The following SYTL3 variants were observed in gnomAD, a reference collection of about 807,000 sequenced individuals.
SYTL3 encodes synaptotagmin-like protein 3.
In SYTL3, 88 loss-of-function variants were observed where a neutral mutation model predicts 82.1. The observed-to-expected ratio is 1.07, with a 90% CI of 0.90 to 1.28. SYTL3 has a LOEUF of 1.28. Among genes scored for constraint, SYTL3 ranks in the 50% most tolerant of loss-of-function variants. The pLI is 0.00. For missense variants in SYTL3, 831 were observed against 757.6 expected (o/e 1.10, Z -1.14); for synonymous variants, 311 against 289.4 (o/e 1.07, Z -0.76).
In SYTL3 at chr6:158,691,471, ACAAGCT is replaced by A. The variant is rs1583249088; in HGVS notation, c.394+8483_394+8488del. Among the ~76,000 whole-genome samples, 11 of 152,300 alleles carry A rather than the reference ACAAGCT, an allele frequency of 7.2e-5. No homozygotes were observed. In the East Asian group the frequency reaches 2.1e-3, roughly 29 times the overall value. On this transcript the variant is annotated intron_variant, in intron 6 of 17. Transcript: ENST00000611299. ...TTTTTAGATCACTAATAACTAGAAAACAAGCTGAAAATTCATCTCTCCTCTTTTGGC... is the reference window on the plus strand; with the variant it reads ...TTTTTAGATCACTAATAACTAGAAAAGAAAATTCATCTCTCCTCTTTTGGC...
In SYTL3 at chr6:158,755,193, A is replaced by G. The variant is rs908795994; in HGVS notation, c.1138-2018A>G. Among the ~76,000 whole-genome samples, 63 of 152,156 alleles carry G rather than the reference A, an allele frequency of 4.1e-4. 1 individual carries two copies. Among genetic ancestry groups the G allele is most frequent in the Non-Finnish European group, 1.5e-5 (1 of 68,032 alleles). On this transcript the variant is annotated intron_variant, in intron 13 of 17. Transcript: ENST00000611299. Reference sequence around the variant, plus strand: ...CCCCATCTCTACAAGAAATTAAAAGATTAGCCGGGCATGGCGACGCCTACC... The same window carrying G: ...CCCCATCTCTACAAGAAATTAAAAGGTTAGCCGGGCATGGCGACGCCTACC...
chr6:158,660,470 T>G (rs976721683), intron 2 of SYTL3, among the ~76,000 whole-genome samples: 1 of 152,206 alleles, frequency 6.6e-6, no homozygotes, highest in African/African-American at 2.4e-5. Flanking sequence ...CACTTGCACC[T>G]GGGGCCCACA....
intron 10 of SYTL3, 80 bp from the exon 11 acceptor site, chr6:158,725,423 G>T (rs934361035): frequency 6.6e-7 from 1 of 1,504,030 alleles, no homozygotes. Context: ...AGTCATAGAT[G>T]CTTGCTGAAG....
intron 5 of SYTL3, among the ~76,000 whole-genome samples, chr6:158,668,359 G>A (rs1256577989): frequency 1.3e-5 from 2 of 152,184 alleles, no homozygotes; most frequent in African/African-American, 4.8e-5. Context: ...CTCCCAAGTA[G>A]CTGGGATTGC....
At chr6:158,667,904 G>T (rs1562353249) in intron 5 of SYTL3, among the ~76,000 whole-genome samples, 1 of 152,188 alleles carries the variant, frequency 6.6e-6, no homozygotes, top group Non-Finnish European at 1.5e-5. Flanking sequence ...TGAGTGCCAA[G>T]TTGCTAAGGG....
At chr6:158,760,558 C>T (rs1015873486) in intron 14 of SYTL3, 82 bp from the exon 15 acceptor site, 61 of 1,238,564 alleles carry the variant, frequency 4.9e-5, no homozygotes, top group Middle Eastern at 1.9e-4. Context: ...CATCTGTGGA[C>T]GAAGCTGAGA....
intron 5 of SYTL3, among the ~76,000 whole-genome samples, chr6:158,677,299 C>G (rs1778151287): frequency 6.6e-6 from 1 of 151,830 alleles, no homozygotes; most frequent in Non-Finnish European, 1.5e-5. Context: ...AGCAAACTAT[C>G]TCAAGGACAA....
At chr6:158,701,690 C>T (rs1025030491) in intron 6 of SYTL3, among the ~76,000 whole-genome samples, 2 of 151,716 alleles carry the variant, frequency 1.3e-5, no homozygotes, top group Admixed American at 6.6e-5. Flanking sequence ...CAAGCACCCG[C>T]GGCCTCTGGA....
intron 10 of SYTL3, among the ~76,000 whole-genome samples, chr6:158,721,037 C>T (rs1784054074): frequency 6.6e-6 from 1 of 152,110 alleles, no homozygotes; most frequent in Admixed American, 6.5e-5. Flanking sequence ...GCTAAGGGAG[C>T]TCAGGGATAG....
rs756993107 is a variant in SYTL3, at chr6:158,665,624, C to G, written c.329+11C>G. ...GTGCTTCGAGGACAGGTAAGCATGGCCGGTGGTTGGATCCCTCCCACTGAT... is the reference window on the plus strand; with the variant it reads ...GTGCTTCGAGGACAGGTAAGCATGGGCGGTGGTTGGATCCCTCCCACTGAT... On this transcript the variant is annotated intron_variant, in intron 5 of 17. Coordinates refer to ENST00000611299, the MANE Select transcript of SYTL3 (RefSeq NM_001242394.2). The G allele has an allele frequency of 2.6e-6, 4 of 1,533,198 alleles. No individual in the cohort carries two copies. The East Asian group carries it at 7.2e-5, about 27-fold the overall frequency. 95.0% of individuals were successfully genotyped at this position (1,533,198 alleles called of 1,614,324 possible).
chr6:158,653,805 G>A (rs1037231561), intron 2 of SYTL3, among the ~76,000 whole-genome samples: 2 of 152,150 alleles, frequency 1.3e-5, no homozygotes, highest in Non-Finnish European at 2.9e-5. Flanking sequence ...TCATGCTACC[G>A]CAGATCTCTG....
chr6:158,666,347 TTTATAG>T (rs1172187170), intron 5 of SYTL3, among the ~76,000 whole-genome samples: 6 of 152,198 alleles, frequency 3.9e-5, no homozygotes, highest in Non-Finnish European at 8.8e-5. Context: ...TGAATCTACG[TTTATAG>T]TTATCAATTG....
intron 6 of SYTL3, among the ~76,000 whole-genome samples, chr6:158,687,480 CAG>C (rs1779417591): frequency 6.6e-6 from 1 of 152,186 alleles, no homozygotes. Context: ...CAGCCCTAGT[CAG>C]AGAGGACAAA....
chr6:158,762,171 G>GT lies in SYTL3; in HGVS notation c.1512dup (p.Lys505Ter). 2 of 1,610,932 alleles carry GT rather than the reference G, an allele frequency of 1.2e-6. No individual in the cohort carries two copies. The highest frequency in any genetic ancestry group is 1.1e-5 in the South Asian group (1 of 90,982). ...GCCAGATGGCACCTTGAACTCATTT[G>GT]TTAAGGGGTAGGTATTCGATGTAAT... On this transcript the variant is annotated frameshift_variant, in exon 16 of 18. Coordinates refer to ENST00000611299, the MANE Select transcript of SYTL3 (RefSeq NM_001242394.2). LOFTEE classifies it high-confidence loss of function.
chr6:158,685,503 C>T (rs746146582), intron 6 of SYTL3, among the ~76,000 whole-genome samples: 11 of 152,068 alleles, frequency 7.2e-5, no homozygotes, highest in East Asian at 1.9e-4. Context: ...GCACTTCACC[C>T]GGCCACTTTT....
intron 5 of SYTL3, among the ~76,000 whole-genome samples, chr6:158,680,924 T>C (rs1778620415): frequency 2.0e-5 from 3 of 152,202 alleles, no homozygotes; most frequent in Admixed American, 6.5e-5. Context: ...TAGAGAAAGA[T>C]AGCATATTTT....
chr6:158,662,171 G>A lies in SYTL3; in HGVS notation c.-519-579G>A, dbSNP rs1562345306. ...AGTTTAGCTTTTAAAGCATTGAAAG[G>A]ACGTCTTATCACTAAGGGATTCCCA... On this transcript the variant is annotated intron_variant, in intron 3 of 17. Transcript: ENST00000611299. Among the ~76,000 whole-genome samples the A allele has an allele frequency of 2.6e-5, 4 of 152,110 alleles. No homozygotes were observed. The South Asian group carries it at 8.3e-4, about 32-fold the overall frequency.
chr6:158,747,362 TA>T (rs1248512582), intron 12 of SYTL3, among the ~76,000 whole-genome samples: 3 of 151,284 alleles, frequency 2.0e-5, no homozygotes, highest in Non-Finnish European at 4.4e-5. Flanking sequence ...TAATTAAAAT[TA>T]ATTTTTTTTT....
At chr6:158,692,007 C>A (rs1481114264) in intron 6 of SYTL3, among the ~76,000 whole-genome samples, 8 of 145,724 alleles carry the variant, frequency 5.5e-5, no homozygotes, top group Non-Finnish European at 1.2e-4. Context: ...CCTGTAATTC[C>A]AGCACTTTGG....
Sources: gnomAD v4.1 joint callset for allele counts (sites outside exome capture counted in the v4.1 genomes callset) on GRCh38, gnomAD v4.1.1 for gene constraint, MANE v1.5 for transcripts, NCBI Gene and HGNC (gene_info 2026-07-23, HGNC 2026-07-21) for gene names.